Variants in TBC1D1 observed in about 807,000 individuals in gnomAD.
The protein encoded by TBC1D1 is TBC1 domain family member 1.
Under a neutral mutation model 125.6 loss-of-function variants are expected in TBC1D1, and 89 were observed. That is an observed-to-expected ratio of 0.71 (90% CI 0.60 to 0.85). The LOEUF (loss-of-function observed/expected upper bound fraction) is 0.85, where lower values mean the gene tolerates loss of function less well. Ranked by LOEUF, TBC1D1 falls within the 40% of genes least tolerant of loss-of-function variation. The pLI, the probability that TBC1D1 is intolerant of heterozygous loss-of-function variation, is 0.00. For missense variants in TBC1D1, 1,377 were observed against 1,469.2 expected (o/e 0.94, Z 1.03); for synonymous variants, 565 against 564.1 (o/e 1.00, Z -0.02).
chr4:37,938,414 G>A (rs1724839295), intron 2 of TBC1D1, among the ~76,000 whole-genome samples: 2 of 152,166 alleles, frequency 1.3e-5, no homozygotes, highest in Admixed American at 6.5e-5. Flanking sequence ...GTGCCTAGGT[G>A]CGCCACAGTG....
At position 38,139,136 on chromosome 4, in the gene TBC1D1, CAAG is replaced by C. The variant is rs941754590; in HGVS notation, c.*1804_*1806del. ...CATTGACTCTGCATCAAGAAAGAAACAAGAAAGCAATAAAACAAGAAATAATTC... is the reference window on the plus strand; with the variant it reads ...CATTGACTCTGCATCAAGAAAGAAACAAAGCAATAAAACAAGAAATAATTC... On this transcript the variant is annotated 3_prime_UTR_variant, in exon 20 of 20. Coordinates refer to ENST00000261439, the MANE Select transcript of TBC1D1 (RefSeq NM_015173.4). The C allele has an allele frequency of 6.6e-6, 1 of 151,176 alleles. No homozygotes were observed. The highest frequency in any genetic ancestry group is 1.5e-5 in the Non-Finnish European group (1 of 67,812). 9.4% of individuals were successfully genotyped at this position (151,176 alleles called of 1,614,324 possible). A position where few individuals can be genotyped will look rare whatever the true frequency, so the allele number is the denominator to read the frequency against.
At chr4:38,008,798 G>A (rs1227205634) in intron 2 of TBC1D1, among the ~76,000 whole-genome samples, 2 of 152,172 alleles carry the variant, frequency 1.3e-5, no homozygotes, top group Non-Finnish European at 2.9e-5. Flanking sequence ...GCACAGGAGC[G>A]GCCTTCTGTG....
intron 2 of TBC1D1, among the ~76,000 whole-genome samples, chr4:37,904,500 C>T (rs1230646589): frequency 6.6e-6 from 1 of 152,194 alleles, no homozygotes; most frequent in Admixed American, 6.5e-5. Flanking sequence ...CAGCATTTTA[C>T]ACATTTGACT....
intron 2 of TBC1D1, among the ~76,000 whole-genome samples, chr4:38,006,226 T>C (rs1287466422): frequency 6.6e-6 from 1 of 152,136 alleles, no homozygotes; most frequent in African/African-American, 2.4e-5. Flanking sequence ...TTTTTATGTA[T>C]TCATTTCATT....
intron 17 of TBC1D1, among the ~76,000 whole-genome samples, chr4:38,120,513 A>AG (rs1763678159): frequency 6.6e-6 from 1 of 152,254 alleles, no homozygotes; most frequent in Non-Finnish European, 1.5e-5. Context: ...TTTCATTATA[A>AG]GCCTTTAAGT....
intron 1 of TBC1D1, among the ~76,000 whole-genome samples, chr4:37,894,902 A>G (rs1714204571): frequency 6.6e-6 from 1 of 152,198 alleles, no homozygotes; most frequent in Non-Finnish European, 1.5e-5. Context: ...TAAGACAGAT[A>G]TAGATTCAAA....
intron 2 of TBC1D1, among the ~76,000 whole-genome samples, chr4:37,936,984 A>C (rs991949468): frequency 6.6e-6 from 1 of 152,220 alleles, no homozygotes; most frequent in Non-Finnish European, 1.5e-5. Flanking sequence ...ACAGACTCTG[A>C]AAGCCAGAAA....
chr4:38,101,726 C>G (rs976622945), intron 14 of TBC1D1, among the ~76,000 whole-genome samples: 1 of 152,196 alleles, frequency 6.6e-6, no homozygotes, highest in Non-Finnish European at 1.5e-5. Flanking sequence ...TCCACCTCAG[C>G]TCAGAAACAT....
At chr4:38,043,217 G>A (rs12647617) in intron 8 of TBC1D1, among the ~76,000 whole-genome samples, 96,447 of 151,552 alleles carry the variant, frequency 0.64, 31,341 homozygotes, top group African/African-American at 0.77. Flanking sequence ...TTTTTCTAAC[G>A]AAATTATTTT....
At chr4:37,993,133 T>A (rs1737001992) in intron 2 of TBC1D1, among the ~76,000 whole-genome samples, 1 of 152,036 alleles carries the variant, frequency 6.6e-6, no homozygotes, top group Non-Finnish European at 1.5e-5. Flanking sequence ...TGATTGGAAA[T>A]GTTAGCGAAG....
chr4:38,060,569 G>C (rs926111130), intron 12 of TBC1D1: 3 of 1,229,028 alleles, frequency 2.4e-6, no homozygotes, highest in African/African-American at 3.1e-5. Flanking sequence ...GCTCCTCTGA[G>C]TAAAGGGTAA....
intron 12 of TBC1D1, among the ~76,000 whole-genome samples, chr4:38,076,516 C>T (rs550174265): frequency 1.3e-5 from 2 of 152,282 alleles, no homozygotes; most frequent in South Asian, 4.2e-4. Flanking sequence ...TGCTTAGGCA[C>T]TTCAGCATCT....
intron 13 of TBC1D1, among the ~76,000 whole-genome samples, chr4:38,090,378 T>C (rs781532068): frequency 6.6e-6 from 1 of 152,232 alleles, no homozygotes; most frequent in Non-Finnish European, 1.5e-5. Context: ...GATCCAAGCT[T>C]TAAATCTAAG....
intron 2 of TBC1D1, among the ~76,000 whole-genome samples, chr4:37,975,573 G>A (rs1393675262): frequency 3.9e-5 from 6 of 152,164 alleles, no homozygotes; most frequent in Non-Finnish European, 8.8e-5. Context: ...TAACACTACC[G>A]CTAGACCACA....
intron 2 of TBC1D1, among the ~76,000 whole-genome samples, chr4:37,970,880 G>A (rs1247015921): frequency 6.6e-6 from 1 of 152,116 alleles, no homozygotes; most frequent in African/African-American, 2.4e-5. Flanking sequence ...CAGGTCTTAG[G>A]GTGGGGAGGA....
chr4:37,923,008 C>G (rs946186819), intron 2 of TBC1D1, among the ~76,000 whole-genome samples: 4 of 151,844 alleles, frequency 2.6e-5, no homozygotes, highest in African/African-American at 9.7e-5. Context: ...GCAGAATGTG[C>G]AGGTTTGTTA....
intron 12 of TBC1D1, chr4:38,060,718 A>C: frequency 9.3e-7 from 1 of 1,079,672 alleles, no homozygotes; most frequent in Non-Finnish European, 1.2e-6. Context: ...CTGTTGATTA[A>C]GAGGCTTTCT....
intron 2 of TBC1D1, among the ~76,000 whole-genome samples, chr4:37,920,320 G>A (rs1720684920): frequency 6.6e-6 from 1 of 152,164 alleles, no homozygotes; most frequent in Non-Finnish European, 1.5e-5. Context: ...AGAGTTCTGT[G>A]CAGGCCACTA....
intron 2 of TBC1D1, among the ~76,000 whole-genome samples, chr4:37,906,075 A>G (rs1717245639): frequency 6.6e-6 from 1 of 152,078 alleles, no homozygotes; most frequent in African/African-American, 2.4e-5. Context: ...CAAGATGAAT[A>G]TTTTCCTCAA....
Sources: allele counts gnomAD v4.1 joint callset (sites outside exome capture counted in the v4.1 genomes callset), GRCh38; gene constraint gnomAD v4.1.1; transcripts MANE v1.5; gene names NCBI Gene and HGNC (gene_info 2026-07-23, HGNC 2026-07-21).